The following RPS6KA2 variants were observed in gnomAD, a reference collection of about 807,000 sequenced individuals.
RPS6KA2 encodes ribosomal protein S6 kinase A2.
Under a neutral mutation model 91.8 loss-of-function variants are expected in RPS6KA2, and 42 were observed. That is an observed-to-expected ratio of 0.46 (90% confidence interval 0.36 to 0.59). RPS6KA2 has a LOEUF of 0.59. Among genes scored for constraint, RPS6KA2 ranks in the 20% least tolerant of loss-of-function variants. The probability of loss-of-function intolerance (pLI) is 0.00; values close to 1 mark genes in which losing one functional copy is unlikely to be tolerated. For missense variants in RPS6KA2, 798 were observed against 978.5 expected (o/e 0.82, Z 2.46); for synonymous variants, 414 against 393.6 (o/e 1.05, Z -0.61).
chr6:166,817,786 G>C (rs1037679281), intron 2 of RPS6KA2, among the ~76,000 whole-genome samples: 1 of 150,884 alleles, frequency 6.6e-6, no homozygotes, highest in Non-Finnish European at 1.5e-5. Flanking sequence ...GCAGTGGTGC[G>C]ATCTTGGCTC....
intron 2 of RPS6KA2, among the ~76,000 whole-genome samples, chr6:166,721,534 T>G (rs978314082): frequency 6.6e-6 from 1 of 152,236 alleles, no homozygotes; most frequent in African/African-American, 2.4e-5. Context: ...GGCTCTTTCT[T>G]AACAGAAACT....
chr6:166,492,306 A>G (rs190864109), intron 8 of RPS6KA2, among the ~76,000 whole-genome samples: 4 of 152,136 alleles, frequency 2.6e-5, no homozygotes, highest in Non-Finnish European at 5.9e-5. Flanking sequence ...AGTAATAAAA[A>G]GCAAGCGGAA....
At chr6:166,795,911 C>T (rs1779211109) in intron 2 of RPS6KA2, among the ~76,000 whole-genome samples, 1 of 152,288 alleles carries the variant, frequency 6.6e-6, no homozygotes, top group Admixed American at 6.5e-5. Context: ...GTCCTCTGGA[C>T]CAATAGTCAA....
chr6:166,456,140 C>G (rs1780098119), intron 12 of RPS6KA2, among the ~76,000 whole-genome samples: 1 of 152,228 alleles, frequency 6.6e-6, no homozygotes, highest in South Asian at 2.1e-4. Flanking sequence ...ACAGCCACAA[C>G]CTTCCGTGGC....
At chr6:166,670,710 T>G (rs1788447201) in intron 2 of RPS6KA2, among the ~76,000 whole-genome samples, 1 of 152,234 alleles carries the variant, frequency 6.6e-6, no homozygotes, top group Admixed American at 6.5e-5. Flanking sequence ...ACAATTTTGA[T>G]TCTCATATTT....
In RPS6KA2 at chr6:166,652,552, C is replaced by T. The variant is rs902998833; in HGVS notation, c.124-113768G>A. On this transcript the variant is annotated intron_variant, in intron 2 of 21. Transcript: ENST00000503859. ...TTTCTTGACTTAATCAAGTTATGTC[C>T]TATTTTTGCCCGTATTGATCTTTAT... Among the ~76,000 whole-genome samples, 11 of 152,090 alleles carry T rather than the reference C, an allele frequency of 7.2e-5. No homozygotes were observed. The East Asian group carries it at 9.6e-4, about 13-fold the overall frequency.
intron 1 of RPS6KA2, among the ~76,000 whole-genome samples, chr6:166,610,910 C>T (rs764016419): frequency 2.1e-4 from 32 of 152,120 alleles, no homozygotes; most frequent in Non-Finnish European, 5.9e-5. Flanking sequence ...TTTGAATCCT[C>T]ACTTCTTTAA....
intron 3 of RPS6KA2, among the ~76,000 whole-genome samples, chr6:166,523,994 G>C (rs928731554): frequency 3.9e-5 from 6 of 152,154 alleles, no homozygotes; most frequent in Admixed American, 2.6e-4. Flanking sequence ...CTTACAGGAA[G>C]GACAGAGGGG....
chr6:166,642,095 A>G (rs929942655), intron 2 of RPS6KA2, among the ~76,000 whole-genome samples: 2 of 152,078 alleles, frequency 1.3e-5, no homozygotes, highest in Non-Finnish European at 2.9e-5. Flanking sequence ...TGATACCTAA[A>G]TACATCATAT....
At chr6:166,739,607 G>T (rs1218722206) in intron 2 of RPS6KA2, among the ~76,000 whole-genome samples, 1 of 152,240 alleles carries the variant, frequency 6.6e-6, no homozygotes, top group African/African-American at 2.4e-5. Context: ...CAGGAAAAGA[G>T]GGTGTCGTGT....
At position 166,656,623 on chromosome 6, in the gene RPS6KA2, C is replaced by T. The variant is rs114165768; in HGVS notation, c.124-117839G>A. Among the ~76,000 whole-genome samples the T allele has an allele frequency of 1.1e-3, 162 of 152,374 alleles. 2 individuals are homozygous for T. The highest frequency in any genetic ancestry group is 3.8e-3 in the African/African-American group (156 of 41,588). ...TGGGATGCGAAGATGGATGGAAAGA[C>T]CATATGAAGCAGCCCCGATTTCCCG... is the stretch of plus-strand genomic sequence containing the variant. On this transcript the variant is annotated intron_variant, in intron 2 of 21. Coordinates refer to the RPS6KA2 transcript ENST00000503859.
chr6:166,586,511 T>C, intron 1 of RPS6KA2: 1 of 1,577,348 alleles, frequency 6.3e-7, no homozygotes, highest in Non-Finnish European at 8.6e-7. Context: ...GCAGCTGTAT[T>C]GCTTAATGTT....
chr6:166,748,629 CA>C (rs1791124242), intron 2 of RPS6KA2, among the ~76,000 whole-genome samples: 1 of 66,846 alleles, frequency 1.5e-5, no homozygotes, highest in Non-Finnish European at 2.8e-5. Context: ...CCCACCTCCT[CA>C]GGCCCCCATC....
At chr6:166,795,463 G>A (rs1779199504) in intron 2 of RPS6KA2, among the ~76,000 whole-genome samples, 1 of 152,234 alleles carries the variant, frequency 6.6e-6, no homozygotes, top group Non-Finnish European at 1.5e-5. Context: ...TAAAGAGCCA[G>A]TGCCCAGCAA....
chr6:166,719,848 T>A (rs1300114639), intron 2 of RPS6KA2, among the ~76,000 whole-genome samples: 2 of 152,230 alleles, frequency 1.3e-5, no homozygotes, highest in Non-Finnish European at 2.9e-5. Context: ...AGAGTATATC[T>A]GGGAGATCTT....
chr6:166,487,019 T>C (rs566456688), intron 10 of RPS6KA2, among the ~76,000 whole-genome samples: 1 of 152,370 alleles, frequency 6.6e-6, no homozygotes, highest in African/African-American at 2.4e-5. Flanking sequence ...GATTCAATGA[T>C]TTCCTTATTG....
rs1783381363 is a variant in RPS6KA2, at chr6:166,533,846, C to T, written c.217-2533G>A. Among the ~76,000 whole-genome samples, 1 of 152,166 alleles carries T rather than the reference C, an allele frequency of 6.6e-6. No individual in the cohort carries two copies. Among genetic ancestry groups the T allele is most frequent in the Non-Finnish European group, 1.5e-5 (1 of 68,016 alleles). ...ACCTGTAATCCAGCACATTGGGAGG[C>T]TGAGACAGAAGGATCTCTTGAGGCC... On this transcript the variant is annotated intron_variant, in intron 2 of 20. Transcript: ENST00000265678. The surrounding 1 kb of genome is among the most constrained non-coding windows in gnomAD (Gnocchi z 4.0).
At chr6:166,704,733 G>A (rs2345259) in intron 2 of RPS6KA2, among the ~76,000 whole-genome samples, 27,686 of 152,124 alleles carry the variant, frequency 0.18, 2,649 homozygotes, top group African/African-American at 0.22. Context: ...CCTCGCTGGC[G>A]TCACTGCATT....
chr6:166,436,747 C>T (rs77934331), intron 14 of RPS6KA2, among the ~76,000 whole-genome samples: 3,129 of 152,246 alleles, frequency 0.021, 51 homozygotes, highest in Non-Finnish European at 0.032. Flanking sequence ...TGGGAAATGG[C>T]GCTCCCCGTC....
Sources: allele counts gnomAD v4.1 joint callset (sites outside exome capture counted in the v4.1 genomes callset), GRCh38; gene constraint gnomAD v4.1.1; non-coding constraint Gnocchi (gnomAD v3.1); transcripts MANE v1.5; gene names NCBI Gene and HGNC (gene_info 2026-07-23, HGNC 2026-07-21).